The following SCHIP1 variants were observed in gnomAD, a reference collection of about 807,000 sequenced individuals.
The protein encoded by SCHIP1 is schwannomin interacting protein 1, also known as schwannomin-interacting protein 1.
Under a neutral mutation model 29.7 loss-of-function variants are expected in SCHIP1, and 8 were observed. The observed-to-expected ratio is 0.27, with a 90% confidence interval of 0.16 to 0.49. The LOEUF is 0.49. SCHIP1 is among the 20% of genes least tolerant of loss of function. SCHIP1 has a pLI of 0.99. For missense variants in SCHIP1, 193 were observed against 294.6 expected (o/e 0.66, Z 2.52); for synonymous variants, 76 against 94.9 (o/e 0.80, Z 1.16).
At chr3:159,521,507 G>A in the SCHIP1 span, among the ~76,000 whole-genome samples, 1 of 152,224 alleles carries the variant, frequency 6.6e-6, no homozygotes, top group African/African-American at 2.4e-5. Context: ...GCTGAGAGGG[G>A]TTGCCCCTTT....
chr3:159,328,601 C>G, the SCHIP1 span, among the ~76,000 whole-genome samples: 1 of 152,066 alleles, frequency 6.6e-6, no homozygotes, highest in Non-Finnish European at 1.5e-5. Context: ...GAAGTGCGAA[C>G]CAAGAAGGGA....
the SCHIP1 span, among the ~76,000 whole-genome samples, chr3:159,510,405 G>T: frequency 4.6e-5 from 7 of 152,076 alleles, no homozygotes; most frequent in African/African-American, 1.7e-4. Flanking sequence ...TATTTGCCAT[G>T]GGTTCGAACT....
At chr3:159,681,158 T>C in the SCHIP1 span, among the ~76,000 whole-genome samples, 1 of 152,048 alleles carries the variant, frequency 6.6e-6, no homozygotes, top group Non-Finnish European at 1.5e-5. Flanking sequence ...AAGTGAGGGA[T>C]ACACAGTGTA....
At chr3:159,866,758 C>A (rs1482008165) in intron 2 of SCHIP1, among the ~76,000 whole-genome samples, 1 of 152,152 alleles carries the variant, frequency 6.6e-6, no homozygotes, top group Non-Finnish European at 1.5e-5. Context: ...ACCTGTCCTT[C>A]TGGTGGTTTT....
chr3:159,379,906 C>G, the SCHIP1 span, among the ~76,000 whole-genome samples: 8 of 152,150 alleles, frequency 5.3e-5, no homozygotes, highest in Non-Finnish European at 8.8e-5. Context: ...TGAAAGAAAT[C>G]AAGAATGCTG....
chr3:159,300,632 C>G, the SCHIP1 span, among the ~76,000 whole-genome samples: 1,478 of 152,268 alleles, frequency 9.7e-3, 21 homozygotes, highest in African/African-American at 0.034. Context: ...AAATTCAGAG[C>G]TTTTGCACCG....
the SCHIP1 span, among the ~76,000 whole-genome samples, chr3:159,341,596 A>G: frequency 7.2e-5 from 11 of 152,010 alleles, no homozygotes; most frequent in Admixed American, 6.6e-5. Context: ...TTCTACCCCC[A>G]TCTGTGGGAG....
the SCHIP1 span, among the ~76,000 whole-genome samples, chr3:159,343,663 T>C: frequency 3.3e-4 from 50 of 152,196 alleles, no homozygotes; most frequent in African/African-American, 1.1e-3. Context: ...CCCAAGTCAC[T>C]GGAGCAGGGA....
the SCHIP1 span, among the ~76,000 whole-genome samples, chr3:159,523,031 C>T: frequency 0.011 from 1,633 of 152,288 alleles, 10 homozygotes; most frequent in Non-Finnish European, 0.014. Flanking sequence ...CTGGCCTCAA[C>T]AACTATCACA....
chr3:159,487,078 G>C, the SCHIP1 span, among the ~76,000 whole-genome samples: 2 of 152,194 alleles, frequency 1.3e-5, no homozygotes, highest in Non-Finnish European at 2.9e-5. Context: ...GGCCTGCTCA[G>C]GTTGCTTCAG....
chr3:159,423,267 G>A, the SCHIP1 span, among the ~76,000 whole-genome samples: 1 of 152,246 alleles, frequency 6.6e-6, no homozygotes, highest in Non-Finnish European at 1.5e-5. Context: ...TGCCTCACTC[G>A]GGAAGCTCAA....
the SCHIP1 span, among the ~76,000 whole-genome samples, chr3:159,382,180 C>T: frequency 6.6e-6 from 1 of 150,720 alleles, no homozygotes; most frequent in Non-Finnish European, 1.5e-5. Context: ...CACATGTATA[C>T]ATGTGCCATG....
At chr3:159,402,466 A>G in the SCHIP1 span, among the ~76,000 whole-genome samples, 1 of 152,224 alleles carries the variant, frequency 6.6e-6, no homozygotes, top group East Asian at 1.9e-4. Flanking sequence ...ATGCTGCTAT[A>G]AAGACATATG....
chr3:159,880,075 A>G (rs897692388), intron 2 of SCHIP1, among the ~76,000 whole-genome samples: 5 of 152,234 alleles, frequency 3.3e-5, no homozygotes, highest in East Asian at 1.9e-4. Context: ...TCACACTCCA[A>G]CTACCTTTGG....
the SCHIP1 span, among the ~76,000 whole-genome samples, chr3:159,359,037 C>T: frequency 6.7e-6 from 1 of 150,096 alleles, no homozygotes; most frequent in African/African-American, 2.5e-5. Flanking sequence ...AAGCGATTCC[C>T]TTGCCTCAGC....
At chr3:159,888,160 C>A in intron 4 of SCHIP1, 1 of 517,198 alleles carries the variant, frequency 1.9e-6, no homozygotes, top group Non-Finnish European at 3.4e-6. Flanking sequence ...ACAATATTAG[C>A]TGCCACGGGA....
the SCHIP1 span, among the ~76,000 whole-genome samples, chr3:159,357,737 T>C: frequency 6.6e-6 from 1 of 152,236 alleles, no homozygotes; most frequent in Non-Finnish European, 1.5e-5. Flanking sequence ...TATTTATTTA[T>C]TGAAGCAAGA....
chr3:159,380,077 G>GA, the SCHIP1 span, among the ~76,000 whole-genome samples: 2 of 152,118 alleles, frequency 1.3e-5, no homozygotes, highest in South Asian at 4.2e-4. Flanking sequence ...CAGCAGAAAG[G>GA]AAAAAATTTA....
At chr3:159,635,778 G>A in the SCHIP1 span, among the ~76,000 whole-genome samples, 1 of 152,294 alleles carries the variant, frequency 6.6e-6, no homozygotes, top group Admixed American at 6.5e-5. Flanking sequence ...CTTAGGTAAA[G>A]AAGGACATTT....
Sources: gnomAD v4.1 joint callset for allele counts (sites outside exome capture counted in the v4.1 genomes callset) on GRCh38, gnomAD v4.1.1 for gene constraint, MANE v1.5 for transcripts, NCBI Gene and HGNC (gene_info 2026-07-23, HGNC 2026-07-21) for gene names.